Variants in GRIK4 observed in about 807,000 individuals in gnomAD.
GRIK4 encodes glutamate receptor ionotropic, kainate 4.
A neutral mutation model predicts 104.9 loss-of-function variants in GRIK4; 40 were observed. The observed-to-expected ratio is 0.38, with a 90% CI of 0.30 to 0.50. The LOEUF is 0.50. GRIK4 is among the 20% of genes least tolerant of loss of function. The probability of loss-of-function intolerance (pLI) is 0.93; values close to 1 mark genes in which losing one functional copy is unlikely to be tolerated. For missense variants in GRIK4, 1,047 were observed against 1,308.1 expected (o/e 0.80, Z 3.08); for synonymous variants, 485 against 524.9 (o/e 0.92, Z 1.04).
intron 3 of GRIK4, among the ~76,000 whole-genome samples, chr11:120,706,848 G>T (rs1273013467): frequency 1.3e-5 from 2 of 152,146 alleles, no homozygotes; most frequent in Non-Finnish European, 2.9e-5. Flanking sequence ...GATGCACACT[G>T]CTTGGTGGCT....
intron 11 of GRIK4, 79 bp downstream of exon 11, chr11:120,875,322 C>G: frequency 1.1e-6 from 1 of 907,650 alleles, no homozygotes; most frequent in Non-Finnish European, 1.8e-6. Context: ...TTTGGATGGC[C>G]TCCTGCTCCC....
chr11:120,902,825 GTT>G lies in GRIK4; in HGVS notation c.1273-2463_1273-2462del, dbSNP rs138455843. Among the ~76,000 whole-genome samples, 645 of 152,310 alleles carry G rather than the reference GTT, an allele frequency of 4.2e-3. 7 individuals are homozygous for G. The highest frequency in any genetic ancestry group is 0.015 in the African/African-American group (614 of 41,546). ...TGGAAGATGGGGGAGTGTGTGGAGA[GTT>G]TGTGCAGGGAGAAGCCCTTGTGCTG... On this transcript the variant is annotated intron_variant, in intron 12 of 20. Coordinates refer to ENST00000527524, the MANE Select transcript of GRIK4 (RefSeq NM_014619.5). The surrounding 1 kb of genome is among the most constrained non-coding windows in gnomAD (Gnocchi z 4.5).
chr11:120,945,157 C>T (rs1174915969), intron 14 of GRIK4, among the ~76,000 whole-genome samples: 1 of 152,160 alleles, frequency 6.6e-6, no homozygotes, highest in East Asian at 1.9e-4. Context: ...GTCAGGTCAG[C>T]CCCTTCCTGC....
intron 3 of GRIK4, among the ~76,000 whole-genome samples, chr11:120,665,735 A>G (rs1043207898): frequency 3.3e-5 from 5 of 152,200 alleles, no homozygotes; most frequent in African/African-American, 9.7e-5. Flanking sequence ...AAAAGAAAAA[A>G]AAGTCTGCGC....
At chr11:120,632,507 C>T (rs79229131) in intron 1 of GRIK4, among the ~76,000 whole-genome samples, 1 of 152,142 alleles carries the variant, frequency 6.6e-6, no homozygotes. Flanking sequence ...ACTTAGAACC[C>T]GAGGGTCTCA....
chr11:120,836,245 G>A (rs1953572353), intron 7 of GRIK4, among the ~76,000 whole-genome samples: 1 of 152,162 alleles, frequency 6.6e-6, no homozygotes, highest in African/African-American at 2.4e-5. Flanking sequence ...TTCCATTAAT[G>A]AGACATGTGA....
chr11:120,736,448 C>T (rs1951222212), intron 3 of GRIK4, among the ~76,000 whole-genome samples: 2 of 47,822 alleles, frequency 4.2e-5, no homozygotes, highest in Admixed American at 1.9e-4. Context: ...CTACCTAGGT[C>T]ACTCCAGTCC....
intron 1 of GRIK4, among the ~76,000 whole-genome samples, chr11:120,572,295 T>G (rs1315128003): frequency 6.6e-6 from 1 of 152,116 alleles, no homozygotes; most frequent in African/African-American, 2.4e-5. Flanking sequence ...ACCGGAATTT[T>G]GAGGGATGAC....
At chr11:120,860,282 G>C (rs765596077) in intron 8 of GRIK4, among the ~76,000 whole-genome samples, 39 of 151,990 alleles carry the variant, frequency 2.6e-4, no homozygotes, top group Admixed American at 1.3e-4. Context: ...CGGGAGCGGG[G>C]ATCAGTGAGC....
chr11:120,985,068 A>G (rs1944718183), intron 20 of GRIK4, among the ~76,000 whole-genome samples: 1 of 151,976 alleles, frequency 6.6e-6, no homozygotes, highest in South Asian at 2.1e-4. Flanking sequence ...ACCTCAAGTG[A>G]TCTGCCTACC....
chr11:120,523,222 C>T (rs1046519008), intron 1 of GRIK4, among the ~76,000 whole-genome samples: 1 of 150,958 alleles, frequency 6.6e-6, no homozygotes, highest in African/African-American at 2.4e-5. Flanking sequence ...TCCTTTGAAA[C>T]GTAACGGTCC....
chr11:120,675,064 G>A (rs1209234458), intron 3 of GRIK4, among the ~76,000 whole-genome samples: 1 of 152,242 alleles, frequency 6.6e-6, no homozygotes, highest in Non-Finnish European at 1.5e-5. Context: ...AAAACCTAAA[G>A]CACTAAAGGA....
Position 120,889,588 on chromosome 11 carries a change from C to CTTTTTTTTTTTTTTTTTTT in GRIK4, c.1165-8944_1165-8943insTTTTTTTTTTTTTTTTTTT, listed in dbSNP as rs776440015. Reference sequence around the variant, plus strand: ...AATAGAATAAAATAGAAAGAGCTTACATTTTTTTTTTTTTTTTTTTTTTTT... The same window carrying CTTTTTTTTTTTTTTTTTTT: ...AATAGAATAAAATAGAAAGAGCTTACTTTTTTTTTTTTTTTTTTTATTTTTTTTTTTTTTTTTTTTTTTT... On this transcript the variant is annotated intron_variant, in intron 11 of 20. Transcript: ENST00000527524. Among the ~76,000 whole-genome samples, 13 of 67,142 alleles carry CTTTTTTTTTTTTTTTTTTT rather than the reference C, an allele frequency of 1.9e-4. 2 individuals carry two copies. The highest frequency in any genetic ancestry group is 0.013 in the Middle Eastern group (1 of 76). 44.0% of individuals were successfully genotyped at this position (67,142 alleles called of 152,430 possible). A position where few individuals can be genotyped will look rare whatever the true frequency, so the allele number is the denominator to read the frequency against.
At chr11:120,559,881 CAG>C (rs371382264) in intron 1 of GRIK4, among the ~76,000 whole-genome samples, 3 of 152,184 alleles carry the variant, frequency 2.0e-5, no homozygotes, top group African/African-American at 7.2e-5. Context: ...CGAGAGGAGA[CAG>C]GCCTATTAGA....
At chr11:120,611,708 T>G (rs1185309846) in intron 1 of GRIK4, among the ~76,000 whole-genome samples, 3 of 152,194 alleles carry the variant, frequency 2.0e-5, no homozygotes, top group Admixed American at 2.0e-4. Flanking sequence ...CTCTTGTTGG[T>G]GGAGTTTGCT....
chr11:120,518,598 C>T (rs915940588), intron 1 of GRIK4, among the ~76,000 whole-genome samples: 2 of 152,098 alleles, frequency 1.3e-5, no homozygotes, highest in Admixed American at 6.5e-5. Context: ...CCCAGGGCTC[C>T]AGGCTTCCCA....
chr11:120,572,785 C>T (rs1305853178), intron 1 of GRIK4, among the ~76,000 whole-genome samples: 1 of 152,234 alleles, frequency 6.6e-6, no homozygotes, highest in East Asian at 1.9e-4. Context: ...GGGAACAGCA[C>T]TGATGGATTT....
chr11:120,922,395 C>A (rs1307169809), intron 13 of GRIK4, among the ~76,000 whole-genome samples: 2 of 152,168 alleles, frequency 1.3e-5, no homozygotes, highest in African/African-American at 4.8e-5. Flanking sequence ...TCAGTCACCC[C>A]ATCCTGCTGC....
intron 3 of GRIK4, among the ~76,000 whole-genome samples, chr11:120,746,760 C>G (rs1402799637): frequency 1.3e-5 from 2 of 152,174 alleles, no homozygotes; most frequent in Non-Finnish European, 2.9e-5. Flanking sequence ...TGACAGATTC[C>G]TCAGAGAAGA....
Sources: gnomAD v4.1 joint callset for allele counts (sites outside exome capture counted in the v4.1 genomes callset) on GRCh38, gnomAD v4.1.1 for gene constraint, Gnocchi (gnomAD v3.1) non-coding constraint, MANE v1.5 for transcripts, NCBI Gene and HGNC (gene_info 2026-07-23, HGNC 2026-07-21) for gene names.